Variants in RBPJ observed in about 807,000 individuals in gnomAD.
The protein encoded by RBPJ is recombining binding protein suppressor of hairless.
Under a neutral mutation model 67.8 loss-of-function variants are expected in RBPJ, and 9 were observed. The observed-to-expected ratio is 0.13, with a 90% CI of 0.08 to 0.23. The LOEUF is 0.23. RBPJ is among the 10% of genes least tolerant of loss of function. The probability of loss-of-function intolerance (pLI) is 1.00; values close to 1 mark genes in which losing one functional copy is unlikely to be tolerated. For synonymous variants in RBPJ, 198 were observed against 203.3 expected (o/e 0.97, Z 0.22); for missense variants, 305 against 595.6 (o/e 0.51, Z 5.08).
intron 1 of RBPJ, among the ~76,000 whole-genome samples, chr4:26,205,794 T>C (rs1718147844): frequency 6.6e-6 from 1 of 152,032 alleles, no homozygotes; most frequent in Non-Finnish European, 1.5e-5. Context: ...GGTTTCACCA[T>C]GTTGGCCAGG....
intron 3 of RBPJ, among the ~76,000 whole-genome samples, chr4:26,408,611 CATG>C (rs1457628182): frequency 2.0e-5 from 3 of 152,174 alleles, no homozygotes; most frequent in Non-Finnish European, 4.4e-5. Flanking sequence ...ATGAGCCAGA[CATG>C]ATTCCCAAAG....
chr4:26,113,800 G>T, the RBPJ span: 2 of 243,158 alleles, frequency 8.2e-6, no homozygotes, highest in South Asian at 1.4e-4. Context: ...CCAAACATCA[G>T]AGAATTCACA....
rs1420529030 is a variant in RBPJ, at chr4:26,434,902, G to A, written c.*3895G>A. On this transcript the variant is annotated 3_prime_UTR_variant, in exon 11 of 11. Transcript: ENST00000355476. ...AGCAGTTTCAAGGAATAAATAAAAA[G>A]GAAATGTAAACCATTGTAAAAGTCT... 2 of 152,206 alleles carry A rather than the reference G, an allele frequency of 1.3e-5. No homozygotes were observed. Among genetic ancestry groups the A allele is most frequent in the East Asian group, 3.8e-4 (2 of 5,204 alleles). The allele number at this position is 152,206 out of a possible 1,614,324, so 9.4% of individuals were successfully genotyped here. A position where few individuals can be genotyped will look rare whatever the true frequency, so the allele number is the denominator to read the frequency against.
Position 26,270,437 on chromosome 4 carries a change from G to GAAAGAAAGAAAGAAAGAAGA in RBPJ, c.-166-92007_-166-92006insAGAAAGAAAGAAAGAAGAAA, listed in dbSNP as rs757127437. Among the ~76,000 whole-genome samples the GAAAGAAAGAAAGAAAGAAGA allele has an allele frequency of 3.1e-3, 94 of 30,134 alleles. 1 individual carries two copies. The highest frequency in any genetic ancestry group is 7.1e-3 in the Non-Finnish European group (72 of 10,114). 19.8% of individuals were successfully genotyped at this position (30,134 alleles called of 152,430 possible). A position where few individuals can be genotyped will look rare whatever the true frequency, so the allele number is the denominator to read the frequency against. ...AGAAAGAAAGAAAGAAAGAAAGAAA[G>GAAAGAAAGAAAGAAAGAAGA]AAGAAAGAAAGAAAGAAAGAAAAGA... On this transcript the variant is annotated intron_variant, in intron 1 of 4. Transcript: ENST00000512351.
At chr4:26,174,829 G>GTA (rs984469664) in intron 1 of RBPJ, among the ~76,000 whole-genome samples, 5 of 151,920 alleles carry the variant, frequency 3.3e-5, no homozygotes, top group South Asian at 2.1e-4. Flanking sequence ...AGGGAGAAAT[G>GTA]TATATATATA....
At chr4:26,154,943 C>T in the RBPJ span, among the ~76,000 whole-genome samples, 2 of 152,188 alleles carry the variant, frequency 1.3e-5, no homozygotes, top group African/African-American at 2.4e-5. Context: ...GGCTTCACCT[C>T]CAATACTGAG....
intron 1 of RBPJ, among the ~76,000 whole-genome samples, chr4:26,373,857 C>T (rs971643632): frequency 7.2e-5 from 11 of 151,784 alleles, no homozygotes; most frequent in African/African-American, 1.9e-4. Flanking sequence ...CAAGGTGTGG[C>T]ACCCATAACA....
intron 1 of RBPJ, among the ~76,000 whole-genome samples, chr4:26,253,428 C>T (rs1720183326): frequency 6.8e-6 from 1 of 147,324 alleles, no homozygotes; most frequent in Non-Finnish European, 1.5e-5. Flanking sequence ...TCTCCTAGCT[C>T]AGCCTCCCGA....
At chr4:26,120,330 T>TAAAAA in the RBPJ span, among the ~76,000 whole-genome samples, 50 of 152,348 alleles carry the variant, frequency 3.3e-4, 1 homozygote, top group South Asian at 9.9e-3. Context: ...CTGTGCTTTT[T>TAAAAA]AAATAGCTAA....
At chr4:26,204,461 G>T (rs1418715298) in intron 1 of RBPJ, among the ~76,000 whole-genome samples, 1 of 152,190 alleles carries the variant, frequency 6.6e-6, no homozygotes, top group African/African-American at 2.4e-5. Context: ...TTGGGGACGG[G>T]TCTATGCAGC....
chr4:26,312,224 C>T (rs1448421488), intron 1 of RBPJ, among the ~76,000 whole-genome samples: 1 of 152,026 alleles, frequency 6.6e-6, no homozygotes, highest in East Asian at 1.9e-4. Flanking sequence ...CTCTGCCTCC[C>T]AGGTTCACGC....
At chr4:26,348,765 G>A (rs562594774) in intron 1 of RBPJ, among the ~76,000 whole-genome samples, 19 of 151,842 alleles carry the variant, frequency 1.3e-4, no homozygotes, top group Non-Finnish European at 1.0e-4. Context: ...GCGCAGTGGC[G>A]TGATCATAGC....
At chr4:26,377,987 A>G (rs554265020) in intron 1 of RBPJ, among the ~76,000 whole-genome samples, 4 of 152,188 alleles carry the variant, frequency 2.6e-5, no homozygotes, top group African/African-American at 9.6e-5. Context: ...GGTTTTATGT[A>G]TACACTGCGG....
intron 1 of RBPJ, among the ~76,000 whole-genome samples, chr4:26,249,992 G>A (rs1162451817): frequency 6.6e-6 from 1 of 151,602 alleles, no homozygotes; most frequent in Non-Finnish European, 1.5e-5. Context: ...CTCCATGTTG[G>A]TCAGCCTGGT....
intron 1 of RBPJ, chr4:26,367,804 C>T (rs1429641604): frequency 6.6e-6 from 1 of 152,142 alleles, no homozygotes; most frequent in African/African-American, 2.4e-5. Context: ...ATAAATAAGG[C>T]TTCAAAGCAG....
intron 2 of RBPJ, among the ~76,000 whole-genome samples, chr4:26,397,725 C>T (rs1209935755): frequency 6.6e-6 from 1 of 152,174 alleles, no homozygotes; most frequent in East Asian, 1.9e-4. Context: ...CCTCCACCTC[C>T]CAGGTTCAAG....
In RBPJ at chr4:26,430,311, T is replaced by C; in HGVS notation, c.1045-108T>C. ...AGCTTTGTAATAAAAAACATTTTAA[T>C]TGCCCTTTTTTAAAAAAAACAAATG... is the stretch of plus-strand genomic sequence containing the variant. On this transcript the variant is annotated intron_variant, in intron 9 of 10. Transcript: ENST00000355476. The surrounding 1 kb of genome is among the most constrained non-coding windows in gnomAD (Gnocchi z 4.1). 1.0e-6 allele frequency: 1 copy of C among 967,042 alleles called. No homozygotes were observed. The allele number at this position is 967,042 out of a possible 1,614,324, so 59.9% of individuals were successfully genotyped here. A position where few individuals can be genotyped will look rare whatever the true frequency, so the allele number is the denominator to read the frequency against.
At chr4:26,325,844 G>A (rs1723573851) in intron 1 of RBPJ, among the ~76,000 whole-genome samples, 1 of 152,152 alleles carries the variant, frequency 6.6e-6, no homozygotes, top group South Asian at 2.1e-4. Context: ...TATTTCTCAA[G>A]ACTAAGGGAA....
At chr4:26,314,286 T>C (rs1722533075) in intron 1 of RBPJ, among the ~76,000 whole-genome samples, 3 of 151,632 alleles carry the variant, frequency 2.0e-5, no homozygotes, top group Admixed American at 2.0e-4. Context: ...GTTACCAGTA[T>C]TTTTTTTTCC....
Sources: allele counts gnomAD v4.1 joint callset (sites outside exome capture counted in the v4.1 genomes callset), GRCh38; gene constraint gnomAD v4.1.1; non-coding constraint Gnocchi (gnomAD v3.1); transcripts MANE v1.5; gene names NCBI Gene and HGNC (gene_info 2026-07-23, HGNC 2026-07-21).